PLCG1: variants seen among roughly 807,000 people sequenced by gnomAD.
The protein encoded by PLCG1 is phospholipase C gamma 1, also known as 1-phosphatidylinositol 4,5-bisphosphate phosphodiesterase gamma-1.
Under a neutral mutation model 177.8 loss-of-function variants are expected in PLCG1, and 71 were observed. That is an observed-to-expected ratio of 0.40 (90% CI 0.33 to 0.49). The LOEUF (loss-of-function observed/expected upper bound fraction) is 0.49, where lower values mean the gene tolerates loss of function less well. Among genes scored for constraint, PLCG1 ranks in the 20% least tolerant of loss-of-function variants. PLCG1 has a pLI of 0.72. For missense variants in PLCG1, 1,281 were observed against 1,709.0 expected (o/e 0.75, Z 4.42); for synonymous variants, 658 against 647.9 (o/e 1.02, Z -0.24).
chr20:41,150,336 T>C lies in PLCG1; in HGVS notation c.218-9270T>C, dbSNP rs1027714442. ...AAAGAAAAATTTTAAAAGTGACTTA[T>C]ACCCATTGCTCTGGTTCTCCAAGTA... On this transcript the variant is annotated intron_variant, in intron 1 of 31. Transcript: ENST00000685551. The surrounding 1 kb of genome is among the most constrained non-coding windows in gnomAD (Gnocchi z 4.0). 7.9e-5 allele frequency among the ~76,000 whole-genome samples: 12 copies of C among 152,198 alleles called. No homozygotes were observed. Among genetic ancestry groups the C allele is most frequent in the African/African-American group, 2.7e-4 (11 of 41,442 alleles).
At position 41,166,791 on chromosome 20, in the gene PLCG1, C is replaced by A. The variant is rs776446599; in HGVS notation, c.2233C>A (p.Pro745Thr). The A allele has an allele frequency of 6.2e-7, 1 of 1,613,974 alleles. No homozygotes were observed. Among genetic ancestry groups the A allele is most frequent in the African/African-American group, 1.3e-5 (1 of 74,910 alleles). Residue 745 changes from proline to threonine, a missense_variant, in exon 19 of 32, where the codon CCG becomes ACG. By Grantham distance (38) the Pro-to-Thr change is conservative. Around this residue, in one of 4 missense-constraint regions of PLCG1, gnomAD observed 723 missense variants for 1,030.0 expected, o/e 0.70. Transcript: ENST00000685551. The surrounding 1 kb of genome is among the most constrained non-coding windows in gnomAD (Gnocchi z 8.6). ...CCTCATCAGCTACTATGAGAAACAC[C>A]CGCTATACCGCAAGATGAAGCTGCG... ...VDLISYYEKH[P>T]LYRKMKLRYP...
In PLCG1 at chr20:41,160,264, G is replaced by A; in HGVS notation, c.512+111G>A. On this transcript the variant is annotated intron_variant, in intron 4 of 31. Coordinates refer to ENST00000685551, the MANE Select transcript of PLCG1 (RefSeq NM_002660.3). This position sits in a 1 kb window ranked among gnomAD's most constrained non-coding sequence, Gnocchi z 5.5. ...AGCCAGAGGACCCAGGGGACCTTAA[G>A]TGGGGCCAGGAGGGTGGGCAGAAGG... 1.1e-6 allele frequency: 1 copy of A among 948,514 alleles called. No individual in the cohort carries two copies. The highest frequency in any genetic ancestry group is 1.7e-6 in the Non-Finnish European group (1 of 592,752). 58.8% of individuals were successfully genotyped at this position (948,514 alleles called of 1,614,324 possible).
At chr20:41,169,362 C>A in intron 22 of PLCG1, 95 bp from the exon 23 acceptor site, 2 of 1,067,564 alleles carry the variant, frequency 1.9e-6, no homozygotes, top group Non-Finnish European at 2.9e-6. Context: ...GTCACAGGTA[C>A]ACCCACAAGA....
chr20:41,173,883 G>T lies in PLCG1; in HGVS notation c.3557-40G>T. On this transcript the variant is annotated intron_variant, in intron 29 of 31. Transcript: ENST00000685551. This position sits in a 1 kb window ranked among gnomAD's most constrained non-coding sequence, Gnocchi z 6.2. The stretch of plus-strand genomic sequence containing the variant: ...AGGGTGGGGCTGGGCCCCTTGCTCT[G>T]TCCCTCGTGGGCTGAGGGCCAGGCT... 1 of 1,611,992 alleles carries T rather than the reference G, an allele frequency of 6.2e-7. No individual in the cohort carries two copies. The highest frequency in any genetic ancestry group is 8.5e-7 in the Non-Finnish European group (1 of 1,178,186).
rs372209797 is a variant in PLCG1, at chr20:41,165,206, A to T, written c.1387-39A>T. 2.6e-5 allele frequency: 42 copies of T among 1,612,026 alleles called. No individual in the cohort carries two copies. The African/African-American group carries it at 4.0e-4, about 15-fold the overall frequency. ...ACCTGGGTGAGGAGGTGGGGTGAGG[A>T]CTGGGGTCTGCATTGCCCTGTTCTG... On this transcript the variant is annotated intron_variant, in intron 13 of 31. Transcript: ENST00000685551. The surrounding 1 kb of genome is among the most constrained non-coding windows in gnomAD (Gnocchi z 6.6).
At chr20:41,158,439 A>G (rs914822714) in intron 1 of PLCG1, among the ~76,000 whole-genome samples, 1 of 152,186 alleles carries the variant, frequency 6.6e-6, no homozygotes, top group African/African-American at 2.4e-5. Flanking sequence ...ATCTACCTTA[A>G]ATCGGTGATT....
At position 41,162,715 on chromosome 20, in the gene PLCG1, C is replaced by T. The variant is rs1026618414; in HGVS notation, c.671C>T (p.Ala224Val). 40 of 1,612,188 alleles carry T rather than the reference C, an allele frequency of 2.5e-5. No homozygotes were observed. Among genetic ancestry groups the T allele is most frequent in the Non-Finnish European group, 3.1e-5 (37 of 1,179,018 alleles). ...CTGTACCGCAGCCTCATGTACAGCG[C>T]CCAGAAGACGGTGCATGAGCCACCT... The part of the protein sequence containing the change: ...AQLYRSLMYS[A>V]QKTMDLPFLE... The change falls in exon 6 of 32, where the codon GCC becomes GTC. Residue 224 changes from alanine (A) to valine (V), a missense_variant. By Grantham distance (64) the Ala-to-Val change is moderately conservative (BLOSUM62 0). This residue lies in a region of PLCG1 where 374 missense variants were observed against 443.8 expected (regional missense o/e 0.84). Coordinates refer to ENST00000685551, the MANE Select transcript of PLCG1 (RefSeq NM_002660.3).
At chr20:41,158,305 G>C (rs1026845794) in intron 1 of PLCG1, among the ~76,000 whole-genome samples, 1 of 152,188 alleles carries the variant, frequency 6.6e-6, no homozygotes, top group Non-Finnish European at 1.5e-5. Context: ...TGCTGGCACT[G>C]CATCTGGCTC....
intron 1 of PLCG1, among the ~76,000 whole-genome samples, chr20:41,158,002 G>T (rs1297850450): frequency 6.6e-6 from 1 of 152,164 alleles, no homozygotes; most frequent in Admixed American, 6.5e-5. Context: ...AGAACCAGGG[G>T]TCAGGGAAAA....
rs1189279901 is a variant in PLCG1 at position 41,156,988 on chromosome 20, A to G, written c.218-2618A>G. On this transcript the variant is annotated intron_variant, in intron 1 of 31. Transcript: ENST00000685551. The surrounding 1 kb of genome is among the most constrained non-coding windows in gnomAD (Gnocchi z 5.0). ...GAGGTAGCACAGGATGTGGCTTTCA[A>G]GAACCTAGTAGAGCATCTCACTGTG... Among the ~76,000 whole-genome samples, 1 of 152,364 alleles carries G rather than the reference A, an allele frequency of 6.6e-6. No individual in the cohort carries two copies. The highest frequency in any genetic ancestry group is 1.9e-4 in the East Asian group (1 of 5,188).
chr20:41,163,266 C>T lies in PLCG1; in HGVS notation c.780C>T (p.Asp260=). 3 of 1,564,508 alleles carry T rather than the reference C, an allele frequency of 1.9e-6. No homozygotes were observed. Among genetic ancestry groups the T allele is most frequent in the Non-Finnish European group, 2.6e-6 (3 of 1,156,934 alleles). The change falls in exon 8 of 32, where the codon GAC becomes GAT. Residue 260 remains aspartate (D), a synonymous_variant. Coordinates refer to ENST00000685551, the MANE Select transcript of PLCG1 (RefSeq NM_002660.3). The surrounding 1 kb of genome is among the most constrained non-coding windows in gnomAD (Gnocchi z 5.2). ...SLPEFQQFLL[D]YQGELWAVDR... ...CTGAGTTCCAGCAGTTCCTTCTTGA[C>T]TACCAGGGGGTATGGCTGGGCTGAC...
Position 41,173,558 on chromosome 20 carries a change from C to T in PLCG1, c.3394+24C>T. The stretch of plus-strand genomic sequence containing the variant: ...GGGTCAGTCTGTCTTCCCAGTCATC[C>T]TCCTCATCCTGCTGGGGCACTGCAA... On this transcript the variant is annotated intron_variant, in intron 28 of 31. Coordinates refer to ENST00000685551, the MANE Select transcript of PLCG1 (RefSeq NM_002660.3). This position sits in a 1 kb window ranked among gnomAD's most constrained non-coding sequence, Gnocchi z 6.2. 6 of 1,613,810 alleles carry T rather than the reference C, an allele frequency of 3.7e-6. No individual in the cohort carries two copies. Among genetic ancestry groups the T allele is most frequent in the Non-Finnish European group, 5.1e-6 (6 of 1,179,848 alleles).
chr20:41,169,338 T>C, intron 22 of PLCG1, 119 bp from the exon 23 acceptor site: 1 of 950,494 alleles, frequency 1.1e-6, no homozygotes, highest in Non-Finnish European at 1.7e-6. Flanking sequence ...CATATACCTG[T>C]GCTACATTTG....
Position 41,174,811 on chromosome 20 carries a change from C to T in PLCG1, c.*302C>T. ...CATCTTGTGGGGCCAGGACCATGGCCGAAGCCCCTTGGAGAGAGAGGCTGC... is the reference window on the plus strand; with the variant it reads ...CATCTTGTGGGGCCAGGACCATGGCTGAAGCCCCTTGGAGAGAGAGGCTGC... On this transcript the variant is annotated 3_prime_UTR_variant, in exon 32 of 32. Coordinates refer to ENST00000685551, the MANE Select transcript of PLCG1 (RefSeq NM_002660.3). This position sits in a 1 kb window ranked among gnomAD's most constrained non-coding sequence, Gnocchi z 5.8. 2.4e-6 allele frequency: 1 copy of T among 415,320 alleles called. No individual in the cohort carries two copies. 25.7% of individuals were successfully genotyped at this position (415,320 alleles called of 1,614,324 possible).
chr20:41,165,873 C>G lies in PLCG1; in HGVS notation c.1799+47C>G. 7.2e-7 allele frequency: 1 copy of G among 1,380,818 alleles called. No homozygotes were observed. The allele number at this position is 1,380,818 out of a possible 1,614,324, so 85.5% of individuals were successfully genotyped here. A position where few individuals can be genotyped will look rare whatever the true frequency, so the allele number is the denominator to read the frequency against. ...CGTATGTTCAGTCAGCGTGTGTACACAGACATCACATCACCCAGAGATAAT... is the reference window on the plus strand; with the variant it reads ...CGTATGTTCAGTCAGCGTGTGTACAGAGACATCACATCACCCAGAGATAAT... On this transcript the variant is annotated intron_variant, in intron 16 of 31. Coordinates refer to ENST00000685551, the MANE Select transcript of PLCG1 (RefSeq NM_002660.3). This position sits in a 1 kb window ranked among gnomAD's most constrained non-coding sequence, Gnocchi z 6.6.
In PLCG1 at chr20:41,165,200, G is replaced by T; in HGVS notation, c.1387-45G>T. 1.2e-6 allele frequency: 2 copies of T among 1,610,380 alleles called. No individual in the cohort carries two copies. Among genetic ancestry groups the T allele is most frequent in the Non-Finnish European group, 1.7e-6 (2 of 1,177,736 alleles). On this transcript the variant is annotated intron_variant, in intron 13 of 31. Transcript: ENST00000685551. The surrounding 1 kb of genome is among the most constrained non-coding windows in gnomAD (Gnocchi z 6.6). ...GCCTAAACCTGGGTGAGGAGGTGGG[G>T]TGAGGACTGGGGTCTGCATTGCCCT...
Position 41,173,809 on chromosome 20 carries a change from G to A in PLCG1, c.3552G>A (p.Lys1184=). Residue 1184 remains lysine, a synonymous_variant, in exon 29 of 32, where the codon AAG becomes AAA. Coordinates refer to ENST00000685551, the MANE Select transcript of PLCG1 (RefSeq NM_002660.3). The surrounding 1 kb of genome is among the most constrained non-coding windows in gnomAD (Gnocchi z 6.2). ...AQATFPVKGL[K]TGYRAVPLKN... ...CTACTTTCCCAGTAAAAGGCCTGAAGACAGGTGAGGACCATTCCTGGAGGC... is the reference window on the plus strand; with the variant it reads ...CTACTTTCCCAGTAAAAGGCCTGAAAACAGGTGAGGACCATTCCTGGAGGC... The A allele has an allele frequency of 6.2e-7, 1 of 1,613,446 alleles. No homozygotes were observed. Among genetic ancestry groups the A allele is most frequent in the Non-Finnish European group, 8.5e-7 (1 of 1,179,558 alleles).
intron 24 of PLCG1, chr20:41,170,539 A>G (rs1458345159): frequency 2.7e-5 from 11 of 401,010 alleles, no homozygotes; most frequent in Non-Finnish European, 3.2e-5. Flanking sequence ...GACCAGAGGT[A>G]AGAGGAGAAG....
chr20:41,174,053 G>A lies in PLCG1; in HGVS notation c.3645+42G>A. 1.2e-6 allele frequency: 2 copies of A among 1,606,622 alleles called. No homozygotes were observed. The highest frequency in any genetic ancestry group is 1.7e-5 in the Admixed American group (1 of 60,006). On this transcript the variant is annotated intron_variant, in intron 30 of 31. Coordinates refer to ENST00000685551, the MANE Select transcript of PLCG1 (RefSeq NM_002660.3). This position sits in a 1 kb window ranked among gnomAD's most constrained non-coding sequence, Gnocchi z 5.8. ...TGGGCTGGCCTGGGGTAGGTGGGAG[G>A]AGAGCCAGGCAGCAGCCTCTAGAAG...
Sources: allele counts gnomAD v4.1 joint callset (sites outside exome capture counted in the v4.1 genomes callset), GRCh38; gene constraint gnomAD v4.1.1; regional missense constraint gnomAD v4.1.1; non-coding constraint Gnocchi (gnomAD v3.1); transcripts MANE v1.5; gene names NCBI Gene and HGNC (gene_info 2026-07-23, HGNC 2026-07-21).